KCNMA1: variants seen among roughly 807,000 people sequenced by gnomAD.
The protein encoded by KCNMA1 is Calcium-activated potassium channel subunit alpha-1.
Under a neutral mutation model 140.0 loss-of-function variants are expected in KCNMA1, and 29 were observed. That is an observed-to-expected ratio of 0.21 (90% CI 0.15 to 0.28). The LOEUF (loss-of-function observed/expected upper bound fraction) is 0.28. Among genes scored for constraint, KCNMA1 ranks in the 10% least tolerant of loss-of-function variants. The pLI, the probability that KCNMA1 is intolerant of heterozygous loss-of-function variation, is 1.00. For synonymous variants in KCNMA1, 612 were observed against 611.9 expected, an observed-to-expected ratio of 1.00 and a Z score of 0.00; for missense variants, 880 against 1,602.2, an observed-to-expected ratio of 0.55 and a Z score of 7.70.
intron 1 of KCNMA1, among the ~76,000 whole-genome samples, chr10:77,592,866 G>A (rs1346024662): frequency 3.3e-5 from 5 of 152,176 alleles, no homozygotes; most frequent in Non-Finnish European, 5.9e-5. Context: ...CCGGCAGCCT[G>A]AGCCCCTGGA....
At chr10:76,931,332 T>C (rs1243150677) in intron 23 of KCNMA1, among the ~76,000 whole-genome samples, 2 of 151,732 alleles carry the variant, frequency 1.3e-5, no homozygotes, top group Non-Finnish European at 2.9e-5. Context: ...GGGAAGAAAA[T>C]CATTAGGGTA....
chr10:77,258,740 A>G (rs2061355911), intron 2 of KCNMA1, among the ~76,000 whole-genome samples: 1 of 152,102 alleles, frequency 6.6e-6, no homozygotes, highest in Non-Finnish European at 1.5e-5. Context: ...AGGCGGGTGG[A>G]TTACTTGAGA....
chr10:77,272,547 G>A (rs1366377375), intron 2 of KCNMA1, among the ~76,000 whole-genome samples: 1 of 152,010 alleles, frequency 6.6e-6, no homozygotes, highest in Non-Finnish European at 1.5e-5. Flanking sequence ...ATGAATGACT[G>A]GGAAGAATAA....
intron 1 of KCNMA1, among the ~76,000 whole-genome samples, chr10:77,606,897 G>A (rs934522417): frequency 6.6e-6 from 1 of 152,112 alleles, no homozygotes; most frequent in Non-Finnish European, 1.5e-5. Flanking sequence ...CCCAAAACCC[G>A]TGCAACCCTT....
chr10:76,908,817 TGAA>T (rs1038490149), intron 25 of KCNMA1, among the ~76,000 whole-genome samples: 10 of 152,246 alleles, frequency 6.6e-5, no homozygotes, highest in South Asian at 2.1e-4. Context: ...AACTCCAAAA[TGAA>T]GAAGATTTTC....
intron 1 of KCNMA1, among the ~76,000 whole-genome samples, chr10:77,624,992 G>A (rs7091243): frequency 1.3e-4 from 20 of 152,106 alleles, no homozygotes; most frequent in African/African-American, 4.3e-4. Context: ...AAGGAAATGT[G>A]CCCAAAGATA....
downstream of KCNMA1, among the ~76,000 whole-genome samples, chr10:76,881,123 A>T (rs985896453): frequency 1.3e-5 from 2 of 152,162 alleles, no homozygotes; most frequent in African/African-American, 4.8e-5. Context: ...TGCCACTGCC[A>T]TTGGCAGATG....
At chr10:77,027,558 G>A (rs982344969) in intron 16 of KCNMA1, among the ~76,000 whole-genome samples, 1 of 152,158 alleles carries the variant, frequency 6.6e-6, no homozygotes, top group African/African-American at 2.4e-5. Flanking sequence ...ATGATCAGGT[G>A]GAGATATTTT....
At chr10:77,258,127 A>T (rs1220130296) in intron 2 of KCNMA1, among the ~76,000 whole-genome samples, 1 of 152,206 alleles carries the variant, frequency 6.6e-6, no homozygotes, top group Non-Finnish European at 1.5e-5. Flanking sequence ...ATGAGATTGA[A>T]ACAGATGATT....
intron 5 of KCNMA1, among the ~76,000 whole-genome samples, chr10:77,122,200 G>C (rs1195677815): frequency 6.6e-6 from 1 of 152,088 alleles, no homozygotes; most frequent in African/African-American, 2.4e-5. Flanking sequence ...AGCTGTTTAG[G>C]TAATAAGGGA....
intron 2 of KCNMA1, among the ~76,000 whole-genome samples, chr10:77,362,083 C>T (rs375510960): frequency 7.9e-5 from 12 of 152,280 alleles, no homozygotes; most frequent in African/African-American, 1.2e-4. Context: ...GCCTCTCCTG[C>T]GCTGTGTCCT....
rs1221838488 is a variant in KCNMA1, at chr10:77,498,426, G to A, written c.379-94403C>T. ...GTGGCAGCTCCAGGAAGGAGGACAA[G>A]TCCAAGCACAGTTTGTACCTGGCAT... On this transcript the variant is annotated intron_variant, in intron 1 of 27. Coordinates refer to ENST00000286628, the MANE Select transcript of KCNMA1 (RefSeq NM_001161352.2). Among the ~76,000 whole-genome samples the A allele has an allele frequency of 3.9e-5, 6 of 152,244 alleles. No homozygotes were observed. The East Asian group carries it at 1.2e-3, about 29-fold the overall frequency.
At chr10:77,571,459 C>G (rs2071273001) in intron 1 of KCNMA1, among the ~76,000 whole-genome samples, 1 of 152,232 alleles carries the variant, frequency 6.6e-6, no homozygotes, top group Non-Finnish European at 1.5e-5. Flanking sequence ...AGTACAAATT[C>G]AAACCCCAAA....
intron 2 of KCNMA1, among the ~76,000 whole-genome samples, chr10:77,367,954 G>A (rs1784908084): frequency 6.6e-6 from 1 of 152,140 alleles, no homozygotes; most frequent in Admixed American, 6.5e-5. Context: ...TTCACCCACT[G>A]AGATTCTTCC....
At chr10:77,412,254 T>G (rs2096636328) in intron 1 of KCNMA1, among the ~76,000 whole-genome samples, 1 of 152,138 alleles carries the variant, frequency 6.6e-6, no homozygotes, top group South Asian at 2.1e-4. Context: ...AGCCCCTTTG[T>G]CCTCAAATTT....
At chr10:77,311,751 T>C (rs1372979503) in intron 2 of KCNMA1, among the ~76,000 whole-genome samples, 1 of 152,202 alleles carries the variant, frequency 6.6e-6, no homozygotes, top group African/African-American at 2.4e-5. Context: ...CTTGCAGCCC[T>C]CTGCAGGAGC....
chr10:77,417,342 A>G (rs992827247), intron 1 of KCNMA1, among the ~76,000 whole-genome samples: 3 of 114,390 alleles, frequency 2.6e-5, no homozygotes, highest in Non-Finnish European at 6.3e-5. Context: ...AGTGTTTGGC[A>G]TACAGCAATG....
chr10:77,090,718 C>T (rs1490180936), intron 9 of KCNMA1: 2 of 596,010 alleles, frequency 3.4e-6, no homozygotes, highest in Non-Finnish European at 3.0e-6. Context: ...ACAGAAAAGC[C>T]ATATGGCTTC....
chr10:76,882,954 C>T (rs1259844934), downstream of KCNMA1, among the ~76,000 whole-genome samples: 2 of 152,188 alleles, frequency 1.3e-5, no homozygotes, highest in South Asian at 4.1e-4. Flanking sequence ...CTGTACTCTC[C>T]TCTTTCTCCT....
Sources: allele counts gnomAD v4.1 joint callset (sites outside exome capture counted in the v4.1 genomes callset), GRCh38; gene constraint gnomAD v4.1.1; transcripts MANE v1.5; gene names NCBI Gene and HGNC (gene_info 2026-07-23, HGNC 2026-07-21).